Variants in AUTS2 observed in about 807,000 individuals in gnomAD.
AUTS2 encodes the protein activator of transcription and developmental regulator AUTS2.
Under a neutral mutation model 112.4 loss-of-function variants are expected in AUTS2, and 17 were observed. That is an observed-to-expected ratio of 0.15 (90% CI 0.10 to 0.23). The LOEUF (loss-of-function observed/expected upper bound fraction) is 0.23. Among genes scored for constraint, AUTS2 ranks in the 10% least tolerant of loss-of-function variants. The pLI is 1.00. For missense variants in AUTS2, 1,510 were observed against 1,701.6 expected, an observed-to-expected ratio of 0.89 and a Z score of 1.98; for synonymous variants, 751 against 702.7, an observed-to-expected ratio of 1.07 and a Z score of -1.09.
intron 1 of AUTS2, among the ~76,000 whole-genome samples, chr7:69,613,981 C>G (rs1793182796): frequency 6.6e-6 from 1 of 152,168 alleles, no homozygotes; most frequent in Non-Finnish European, 1.5e-5. Context: ...TCCCATTCCA[C>G]CCTGTTAAGG....
intron 6 of AUTS2, among the ~76,000 whole-genome samples, chr7:70,720,923 A>G (rs1219417928): frequency 3.3e-5 from 5 of 152,162 alleles, no homozygotes; most frequent in South Asian, 2.1e-4. Context: ...GGTCTTAAAC[A>G]CGAGAGATAA....
At chr7:70,025,879 A>G (rs1268750915) in intron 2 of AUTS2, among the ~76,000 whole-genome samples, 1 of 151,224 alleles carries the variant, frequency 6.6e-6, no homozygotes, top group African/African-American at 2.4e-5. Context: ...TCCAAGGCCT[A>G]ATTGGAGATC....
chr7:69,760,536 C>A (rs1393453991), intron 1 of AUTS2, among the ~76,000 whole-genome samples: 1 of 152,044 alleles, frequency 6.6e-6, no homozygotes, highest in Admixed American at 6.5e-5. Flanking sequence ...AAAATAATTA[C>A]AAGTGTGTCG....
chr7:69,730,694 TGAAAG>T (rs1265662455), intron 1 of AUTS2, among the ~76,000 whole-genome samples: 1 of 152,220 alleles, frequency 6.6e-6, no homozygotes, highest in African/African-American at 2.4e-5. Context: ...GAACTTCAGT[TGAAAG>T]TGTTTAAAAT....
chr7:69,824,921 C>G (rs192093335), intron 1 of AUTS2, among the ~76,000 whole-genome samples: 99 of 152,238 alleles, frequency 6.5e-4, no homozygotes, highest in African/African-American at 2.2e-3. Context: ...AGTTAAAAGA[C>G]AAAGGGTTGG....
chr7:69,954,876 A>G (rs1160573419), intron 2 of AUTS2, among the ~76,000 whole-genome samples: 1 of 152,138 alleles, frequency 6.6e-6, no homozygotes, highest in Non-Finnish European at 1.5e-5. Context: ...ATATTTTAGG[A>G]TTATTAGAGC....
intron 1 of AUTS2, among the ~76,000 whole-genome samples, chr7:69,851,845 T>G (rs1792497384): frequency 6.6e-6 from 1 of 152,254 alleles, no homozygotes. Context: ...TCTTCAACTT[T>G]GCAGAGTTGA....
At chr7:70,048,894 A>G (rs1801621387) in intron 2 of AUTS2, among the ~76,000 whole-genome samples, 1 of 152,246 alleles carries the variant, frequency 6.6e-6, no homozygotes, top group African/African-American at 2.4e-5. Flanking sequence ...TAGCAAAAAT[A>G]GGATCTATCT....
chr7:69,726,215 C>T (rs1184998949), intron 1 of AUTS2, among the ~76,000 whole-genome samples: 1 of 152,174 alleles, frequency 6.6e-6, no homozygotes, highest in Non-Finnish European at 1.5e-5. Flanking sequence ...CCACCCCTCC[C>T]ATATGTAACC....
intron 1 of AUTS2, among the ~76,000 whole-genome samples, chr7:69,744,477 A>G (rs1787400931): frequency 1.3e-5 from 2 of 152,124 alleles, no homozygotes; most frequent in African/African-American, 2.4e-5. Context: ...TTTCCTCTTC[A>G]GGAGTCATTC....
In AUTS2 at chr7:69,716,664, A is replaced by G. The variant is rs113891929; in HGVS notation, c.309+116702A>G. ...CTACCTGGAGATAGTATCAGATCTC[A>G]CAATCTCAGGGCTCAGTCCCACACA... On this transcript the variant is annotated intron_variant, in intron 1 of 18. Transcript: ENST00000342771. Among the ~76,000 whole-genome samples, 53 of 152,164 alleles carry G rather than the reference A, an allele frequency of 3.5e-4. 2 individuals carry two copies. The highest frequency in any genetic ancestry group is 1.2e-3 in the African/African-American group (49 of 41,528).
chr7:70,100,972 G>C (rs915171636), intron 2 of AUTS2, among the ~76,000 whole-genome samples: 3 of 152,038 alleles, frequency 2.0e-5, no homozygotes, highest in African/African-American at 4.8e-5. Context: ...CCGCCTCCTG[G>C]GTTCAAGCGA....
chr7:70,010,565 G>A (rs1799754150), intron 2 of AUTS2, among the ~76,000 whole-genome samples: 1 of 152,166 alleles, frequency 6.6e-6, no homozygotes, highest in African/African-American at 2.4e-5. Context: ...GTGATGAGCC[G>A]AGCACCTGCT....
At chr7:70,669,462 A>G (rs543436847) in intron 5 of AUTS2, among the ~76,000 whole-genome samples, 1 of 152,340 alleles carries the variant, frequency 6.6e-6, no homozygotes, top group South Asian at 2.1e-4. Context: ...GTTGACACAT[A>G]GAAGCAGAGA....
At chr7:70,672,843 T>C (rs1807716340) in intron 5 of AUTS2, among the ~76,000 whole-genome samples, 1 of 152,160 alleles carries the variant, frequency 6.6e-6, no homozygotes, top group Non-Finnish European at 1.5e-5. Context: ...CCTCGTGATC[T>C]GCCTGCCTCG....
chr7:70,277,353 T>C (rs1040210423), intron 4 of AUTS2, among the ~76,000 whole-genome samples: 1 of 152,178 alleles, frequency 6.6e-6, no homozygotes, highest in Admixed American at 6.5e-5. Context: ...GGATGGACTT[T>C]CCCCAAGAAA....
At chr7:69,944,961 CA>C in intron 2 of AUTS2, among the ~76,000 whole-genome samples, 1 of 152,212 alleles carries the variant, frequency 6.6e-6, no homozygotes, top group South Asian at 2.1e-4. Flanking sequence ...TAAAAACAAA[CA>C]AACAAACAAC....
chr7:69,720,198 T>C (rs941811989), intron 1 of AUTS2, among the ~76,000 whole-genome samples: 1 of 152,226 alleles, frequency 6.6e-6, no homozygotes, highest in Admixed American at 6.5e-5. Context: ...AACAGGAGAC[T>C]GGTTGGTTTG....
chr7:69,623,371 ACG>A (rs1417462065), intron 1 of AUTS2, among the ~76,000 whole-genome samples: 1 of 115,810 alleles, frequency 8.6e-6, no homozygotes. Context: ...TACCACCACC[ACG>A]CCCAGCAATT....
Sources: gnomAD v4.1 joint callset for allele counts (sites outside exome capture counted in the v4.1 genomes callset) on GRCh38, gnomAD v4.1.1 for gene constraint, MANE v1.5 for transcripts, NCBI Gene and HGNC (gene_info 2026-07-23, HGNC 2026-07-21) for gene names.